Variants in NTRK2 observed in about 807,000 individuals in gnomAD.
NTRK2 encodes BDNF/NT-3 growth factors receptor.
In NTRK2, 13 loss-of-function variants were observed where a neutral mutation model predicts 94.5. The ratio of observed to expected loss-of-function variants is 0.14; its 90% CI spans 0.09 to 0.22. NTRK2 has a LOEUF of 0.22. NTRK2 is among the 10% of genes least tolerant of loss of function. The pLI, the probability that NTRK2 is intolerant of heterozygous loss-of-function variation, is 1.00. For synonymous variants in NTRK2, 372 were observed against 407.4 expected (o/e 0.91, Z 1.05); for missense variants, 639 against 1,071.2 (o/e 0.60, Z 5.63).
At chr9:84,766,192 C>G (rs531324837) in intron 12 of NTRK2, among the ~76,000 whole-genome samples, 1 of 152,088 alleles carries the variant, frequency 6.6e-6, no homozygotes, top group Non-Finnish European at 1.5e-5. Context: ...TACGATGACA[C>G]TGGGGCCAAG....
intron 10 of NTRK2, among the ~76,000 whole-genome samples, chr9:84,743,173 G>C (rs895171447): frequency 1.3e-5 from 2 of 152,054 alleles, no homozygotes; most frequent in Non-Finnish European, 2.9e-5. Context: ...GTTTTCCTAG[G>C]TGTGAAAACC....
chr9:84,872,361 T>A lies in NTRK2; in HGVS notation c.1633+4930T>A. The A allele has an allele frequency of 8.2e-6, 9 of 1,099,400 alleles. No individual in the cohort carries two copies. In the South Asian group the frequency reaches 1.6e-4, roughly 19 times the overall value. The allele number at this position is 1,099,400 out of a possible 1,614,324, so 68.1% of individuals were successfully genotyped here. ...CCCAAATCATCAATCTTGGGTTCTC[T>A]TGAAGGGCAGGAGTGTGTTTTATCT... On this transcript the variant is annotated intron_variant, in intron 14 of 18. Transcript: ENST00000277120.
chr9:84,907,303 A>C (rs1489573177), intron 14 of NTRK2, among the ~76,000 whole-genome samples: 1 of 152,240 alleles, frequency 6.6e-6, no homozygotes, highest in Non-Finnish European at 1.5e-5. Context: ...ACCTGGGAAG[A>C]ATGTGTTTTA....
intron 17 of NTRK2, among the ~76,000 whole-genome samples, chr9:84,956,720 G>A (rs1276699114): frequency 1.3e-5 from 2 of 152,082 alleles, no homozygotes; most frequent in African/African-American, 4.8e-5. Context: ...TTTATTTCCT[G>A]TTCCCCTTCC....
chr9:84,948,130 A>G (rs1198208903), intron 15 of NTRK2, among the ~76,000 whole-genome samples: 1 of 152,242 alleles, frequency 6.6e-6, no homozygotes, highest in Non-Finnish European at 1.5e-5. Context: ...TAAGCTGCAC[A>G]TAGCATCACA....
At chr9:84,823,753 C>G (rs1299337499) in intron 12 of NTRK2, among the ~76,000 whole-genome samples, 7 of 152,160 alleles carry the variant, frequency 4.6e-5, no homozygotes, top group Non-Finnish European at 7.3e-5. Flanking sequence ...TAAATGTTGG[C>G]AAGACCCTTC....
In NTRK2 at chr9:85,024,506, C is replaced by CA; in HGVS notation, c.*3070dup. The CA allele has an allele frequency of 4.4e-6, 1 of 228,390 alleles. No homozygotes were observed. Among genetic ancestry groups the CA allele is most frequent in the Non-Finnish European group, 8.6e-6 (1 of 115,948 alleles). The allele number at this position is 228,390 out of a possible 1,614,324, so 14.1% of individuals were successfully genotyped here. A position where few individuals can be genotyped will look rare whatever the true frequency, so the allele number is the denominator to read the frequency against. The stretch of plus-strand genomic sequence containing the variant: ...TTGTGTAGATGAGGACGTTGAGACT[C>CA]AGAGACATTCAGAGGCACGCTAGAG... On this transcript the variant is annotated 3_prime_UTR_variant, in exon 19 of 19. Transcript: ENST00000277120.
At position 84,688,922 on chromosome 9, in the gene NTRK2, C is replaced by G. The variant is rs138998684; in HGVS notation, c.213-13237C>G. 2.8e-3 allele frequency among the ~76,000 whole-genome samples: 425 copies of G among 152,226 alleles called. 5 individuals carry two copies. Among genetic ancestry groups the G allele is most frequent in the African/African-American group, 9.2e-3 (384 of 41,528 alleles). On this transcript the variant is annotated intron_variant, in intron 2 of 18. Coordinates refer to ENST00000277120, the MANE Select transcript of NTRK2 (RefSeq NM_006180.6). ...TAACATTGGTGGGTTAAGGGCTCCA[C>G]TAGGATGTGTGGTCTGCCACTGCTA...
At chr9:84,920,065 G>C (rs374981218) in intron 14 of NTRK2, among the ~76,000 whole-genome samples, 2 of 152,058 alleles carry the variant, frequency 1.3e-5, no homozygotes, top group African/African-American at 4.8e-5. Context: ...CCTGCCTCTA[G>C]GACGCTTTCC....
chr9:84,769,063 A>G (rs2066292490), intron 12 of NTRK2, among the ~76,000 whole-genome samples: 1 of 152,120 alleles, frequency 6.6e-6, no homozygotes, highest in South Asian at 2.1e-4. Flanking sequence ...CTTGAGAAAG[A>G]GTTCAGGGGA....
chr9:84,679,253 C>G lies in NTRK2; in HGVS notation c.212+8293C>G, dbSNP rs142062327. ...ATGGGTTTGGCCTTTCTCTTTGCAA[C>G]TCTTCAGCCTCTTTCTGTTTCTGGT... On this transcript the variant is annotated intron_variant, in intron 2 of 18. Transcript: ENST00000277120. 6.9e-3 allele frequency among the ~76,000 whole-genome samples: 1,044 copies of G among 152,308 alleles called. 10 individuals carry two copies. The highest frequency in any genetic ancestry group is 0.024 in the African/African-American group (983 of 41,558).
intron 9 of NTRK2, among the ~76,000 whole-genome samples, chr9:84,735,095 T>TA (rs1228758228): frequency 1.3e-5 from 2 of 152,094 alleles, no homozygotes; most frequent in African/African-American, 4.8e-5. Context: ...TGTGTTTCAT[T>TA]AAAAAAATTG....
chr9:84,984,465 A>G (rs951033344), intron 17 of NTRK2, among the ~76,000 whole-genome samples: 3 of 149,458 alleles, frequency 2.0e-5, no homozygotes, highest in African/African-American at 7.5e-5. Context: ...GAGCGAGACT[A>G]TATCTCAAAC....
At chr9:84,948,202 C>G (rs2078663733) in intron 15 of NTRK2, among the ~76,000 whole-genome samples, 1 of 152,170 alleles carries the variant, frequency 6.6e-6, no homozygotes, top group Non-Finnish European at 1.5e-5. Flanking sequence ...TGGGTGCAGA[C>G]CAGGGTTAGA....
chr9:84,870,329 G>GTATATATATATA (rs1249656013), intron 14 of NTRK2, among the ~76,000 whole-genome samples: 20 of 20,566 alleles, frequency 9.7e-4, no homozygotes, highest in Non-Finnish European at 1.9e-3. Context: ...GGGTGTGTGT[G>GTATATATATATA]TGTATATATA....
intron 18 of NTRK2, 80 bp downstream of exon 18, chr9:85,020,444 T>C (rs2117959857): frequency 6.9e-7 from 1 of 1,457,182 alleles, no homozygotes; most frequent in Non-Finnish European, 9.6e-7. Context: ...TGTTTTGGGT[T>C]GGAAGACCAT....
chr9:84,996,767 G>T (rs1829799712), intron 17 of NTRK2, among the ~76,000 whole-genome samples: 1 of 152,208 alleles, frequency 6.6e-6, no homozygotes, highest in African/African-American at 2.4e-5. Context: ...TGAAAAGAAA[G>T]AATAGAGAAG....
intron 14 of NTRK2, among the ~76,000 whole-genome samples, chr9:84,906,289 T>G (rs1383498187): frequency 6.6e-6 from 1 of 151,350 alleles, no homozygotes; most frequent in Non-Finnish European, 1.5e-5. Context: ...ATGAGAGAAC[T>G]AGTGTCACTG....
At chr9:84,963,045 G>A (rs994327713) in intron 17 of NTRK2, among the ~76,000 whole-genome samples, 11 of 152,336 alleles carry the variant, frequency 7.2e-5, no homozygotes, top group Non-Finnish European at 1.3e-4. Flanking sequence ...CACTGGAGAT[G>A]TACTTGGTCT....
Sources: gnomAD v4.1 joint callset for allele counts (sites outside exome capture counted in the v4.1 genomes callset) on GRCh38, gnomAD v4.1.1 for gene constraint, MANE v1.5 for transcripts, NCBI Gene and HGNC (gene_info 2026-07-23, HGNC 2026-07-21) for gene names.